STYXL1: variants seen among roughly 807,000 people sequenced by gnomAD.
STYXL1 encodes serine/threonine/tyrosine-interacting-like protein 1.
In STYXL1, 32 loss-of-function variants were observed where a neutral mutation model predicts 36.4. The observed-to-expected ratio is 0.88, with a 90% CI of 0.66 to 1.18. The LOEUF (loss-of-function observed/expected upper bound fraction) is 1.18. STYXL1 is among the 50% of genes most tolerant of loss of function. The pLI is 0.00. For synonymous variants in STYXL1, 133 were observed against 144.1 expected, an observed-to-expected ratio of 0.92 and a Z score of 0.55; for missense variants, 354 against 394.1, an observed-to-expected ratio of 0.90 and a Z score of 0.86.
At chr7:76,015,081 C>T (rs1793114356) in intron 4 of STYXL1, among the ~76,000 whole-genome samples, 1 of 152,078 alleles carries the variant, frequency 6.6e-6, no homozygotes, top group Non-Finnish European at 1.5e-5. Context: ...ACCCCGCCTC[C>T]ACAAATAAAA....
intron 1 of STYXL1, among the ~76,000 whole-genome samples, chr7:76,036,228 G>A (rs1795896364): frequency 6.7e-6 from 1 of 150,048 alleles, no homozygotes; most frequent in Non-Finnish European, 1.5e-5. Flanking sequence ...AGCTTCCTGA[G>A]TAGCTAGGAT....
chr7:76,032,800 T>G (rs929910392), intron 1 of STYXL1, among the ~76,000 whole-genome samples: 2 of 152,106 alleles, frequency 1.3e-5, no homozygotes, highest in African/African-American at 4.8e-5. Flanking sequence ...AAGGGTTGTC[T>G]GAGGATGTGA....
At chr7:76,026,192 C>CAAAAAAAAAAAAAAAAAAAAAAAAAAAA (rs1159067824) in intron 3 of STYXL1, among the ~76,000 whole-genome samples, 1 of 18,614 alleles carries the variant, frequency 5.4e-5, no homozygotes, top group Non-Finnish European at 8.7e-5. Context: ...ACTCTGTCTC[C>CAAAAAAAAAAAAAAAAAAAAAAAAAAAA]AAAAAAAAAA....
chr7:76,031,593 T>C (rs1309352378), intron 1 of STYXL1, among the ~76,000 whole-genome samples: 3 of 151,466 alleles, frequency 2.0e-5, no homozygotes, highest in Non-Finnish European at 2.9e-5. Context: ...CAGGCACCTG[T>C]AATCCCAGCT....
intron 1 of STYXL1, among the ~76,000 whole-genome samples, chr7:76,034,454 G>A (rs782230922): frequency 7.2e-5 from 11 of 152,194 alleles, no homozygotes; most frequent in Non-Finnish European, 1.2e-4. Context: ...TAACACGGCT[G>A]AGCATTGTTT....
chr7:76,046,499 A>G lies in STYXL1; in HGVS notation c.-5+1163T>C, dbSNP rs893570077. Among the ~76,000 whole-genome samples, 8 of 151,940 alleles carry G rather than the reference A, an allele frequency of 5.3e-5. No homozygotes were observed. In the East Asian group the frequency reaches 1.6e-3, roughly 29 times the overall value. On this transcript the variant is annotated intron_variant, in intron 1 of 8. Coordinates refer to ENST00000359697, the MANE Select transcript of STYXL1 (RefSeq NM_001317785.2). ...GTAGCTGGGACTACAGGCACACGCCACCATGCCCAGCCAATTTTTGTATAT... is the reference window on the plus strand; with the variant it reads ...GTAGCTGGGACTACAGGCACACGCCGCCATGCCCAGCCAATTTTTGTATAT...
chr7:76,030,057 T>C (rs1192510993), intron 2 of STYXL1, among the ~76,000 whole-genome samples: 9 of 152,014 alleles, frequency 5.9e-5, no homozygotes, highest in Admixed American at 3.9e-4. Flanking sequence ...TGGAATGCAG[T>C]GGCCCAAATC....
intron 3 of STYXL1, among the ~76,000 whole-genome samples, chr7:76,027,129 C>T (rs1554577940): frequency 6.6e-6 from 1 of 151,830 alleles, no homozygotes; most frequent in African/African-American, 2.4e-5. Context: ...AAGTTCAGGG[C>T]AGAGAATTTG....
intron 3 of STYXL1, among the ~76,000 whole-genome samples, chr7:76,026,278 G>A (rs529748817): frequency 2.1e-5 from 3 of 145,382 alleles, no homozygotes; most frequent in Admixed American, 1.4e-4. Context: ...GGGAGGAAAG[G>A]GGAATTTTAG....
intron 3 of STYXL1, among the ~76,000 whole-genome samples, chr7:76,025,529 C>T (rs1253370066): frequency 1.3e-5 from 2 of 152,128 alleles, no homozygotes; most frequent in Non-Finnish European, 2.9e-5. Context: ...GTGGCTCATG[C>T]CTGTAATCCC....
intron 1 of STYXL1, among the ~76,000 whole-genome samples, chr7:76,046,335 TGTGTGC>T (rs1797047067): frequency 7.9e-4 from 15 of 19,020 alleles, no homozygotes; most frequent in African/African-American, 1.8e-3. Flanking sequence ...TGTGTGTGTG[TGTGTGC>T]GCGCGCGCGC....
chr7:76,020,004 C>T (rs1793869386), intron 4 of STYXL1, among the ~76,000 whole-genome samples: 1 of 151,186 alleles, frequency 6.6e-6, no homozygotes, highest in Non-Finnish European at 1.5e-5. Flanking sequence ...AAAGACTTTT[C>T]ATTGACCTGA....
intron 7 of STYXL1, 68 bp downstream of exon 7, chr7:76,003,690 G>A (rs1228897710): frequency 2.1e-6 from 3 of 1,404,246 alleles, no homozygotes; most frequent in Non-Finnish European, 3.0e-6. Flanking sequence ...GCCTGTGAAG[G>A]AGGCTCCACT....
chr7:76,031,304 C>T (rs1795300433), intron 1 of STYXL1, among the ~76,000 whole-genome samples: 1 of 124,978 alleles, frequency 8.0e-6, no homozygotes, highest in South Asian at 2.6e-4. Context: ...GCACTCCAGC[C>T]TGGGGGACAG....
At chr7:76,033,703 C>G (rs1339464453) in intron 1 of STYXL1, among the ~76,000 whole-genome samples, 1 of 152,168 alleles carries the variant, frequency 6.6e-6, no homozygotes, top group Non-Finnish European at 1.5e-5. Context: ...CACATGGGTC[C>G]TTCCTGTTGA....
chr7:76,016,280 A>G (rs1333865742), intron 4 of STYXL1, among the ~76,000 whole-genome samples: 2 of 151,696 alleles, frequency 1.3e-5, no homozygotes, highest in African/African-American at 4.8e-5. Flanking sequence ...GTGTGTATAT[A>G]TGTATATCTA....
At position 75,996,609 on chromosome 7, in the gene STYXL1, C is replaced by T; in HGVS notation, c.811-10G>A. ...CATAGGCCCAGGACCTCTATGAATA[C>T]AAAGAGAGAAAGTGAACTTCACGAT... On this transcript the variant is annotated splice_polypyrimidine_tract_variant and intron_variant, in intron 8 of 8. Transcript: ENST00000359697. 1 of 1,613,758 alleles carries T rather than the reference C, an allele frequency of 6.2e-7. No homozygotes were observed. The highest frequency in any genetic ancestry group is 8.5e-7 in the Non-Finnish European group (1 of 1,179,716).
chr7:75,999,927 C>T (rs1301217393), intron 8 of STYXL1, among the ~76,000 whole-genome samples: 12 of 152,010 alleles, frequency 7.9e-5, no homozygotes, highest in African/African-American at 2.9e-4. Flanking sequence ...ACTATGTCCT[C>T]GCTGGGTCAG....
At chr7:76,015,748 G>T (rs908844953) in intron 4 of STYXL1, among the ~76,000 whole-genome samples, 1 of 152,234 alleles carries the variant, frequency 6.6e-6, no homozygotes, top group African/African-American at 2.4e-5. Context: ...GATCCTGGGC[G>T]TGTCTGTGAG....
Sources: gnomAD v4.1 joint callset for allele counts (sites outside exome capture counted in the v4.1 genomes callset) on GRCh38, gnomAD v4.1.1 for gene constraint, MANE v1.5 for transcripts, NCBI Gene and HGNC (gene_info 2026-07-23, HGNC 2026-07-21) for gene names.